The following TDP1 variants were observed in gnomAD, a reference collection of about 807,000 sequenced individuals.
TDP1 encodes the protein tyr-DNA phosphodiesterase 1.
In TDP1, 64 loss-of-function variants were observed where a neutral mutation model predicts 81.5. The observed-to-expected ratio is 0.79, with a 90% CI of 0.64 to 0.97. The LOEUF (loss-of-function observed/expected upper bound fraction) is 0.97. TDP1 is among the 50% of genes least tolerant of loss of function. The pLI, the probability that TDP1 is intolerant of heterozygous loss-of-function variation, is 0.00. For synonymous variants in TDP1, 256 were observed against 264.3 expected, an observed-to-expected ratio of 0.97 and a Z score of 0.30; for missense variants, 723 against 743.8, an observed-to-expected ratio of 0.97 and a Z score of 0.33.
chr14:90,032,955 T>C (rs1338256518), intron 15 of TDP1, 151 bp from the exon 16 acceptor site: 2 of 1,198,652 alleles, frequency 1.7e-6, no homozygotes, highest in Non-Finnish European at 2.3e-6. Flanking sequence ...GTTGTAAATA[T>C]ATTTGCCTAT....
intron 14 of TDP1, among the ~76,000 whole-genome samples, chr14:90,015,495 A>AT (rs1442112537): frequency 6.6e-6 from 1 of 152,242 alleles, no homozygotes; most frequent in African/African-American, 2.4e-5. Context: ...AATGAGCAAC[A>AT]TATCATTAGT....
intron 15 of TDP1, among the ~76,000 whole-genome samples, chr14:90,024,523 G>A (rs947065688): frequency 1.3e-4 from 20 of 152,266 alleles, no homozygotes; most frequent in African/African-American, 4.1e-4. Context: ...GATCCATACC[G>A]AACAATGTGA....
intron 11 of TDP1, 191 bp from the exon 12 acceptor site, chr14:89,989,526 C>G: frequency 1.3e-6 from 1 of 768,184 alleles, no homozygotes; most frequent in Non-Finnish European, 1.6e-6. Context: ...TATAATTTTA[C>G]ATCAAATATG....
chr14:90,028,304 G>A (rs1054675673), intron 15 of TDP1, among the ~76,000 whole-genome samples: 1 of 152,238 alleles, frequency 6.6e-6, no homozygotes, highest in African/African-American at 2.4e-5. Flanking sequence ...CTGATGCCTT[G>A]TGTAGGGTTT....
chr14:90,034,393 G>A (rs1005717614), intron 16 of TDP1, among the ~76,000 whole-genome samples: 6 of 152,218 alleles, frequency 3.9e-5, no homozygotes, highest in Non-Finnish European at 7.3e-5. Context: ...CATGCATTGA[G>A]TCTTAAGGGC....
intron 14 of TDP1, among the ~76,000 whole-genome samples, chr14:90,008,003 C>T (rs1167992710): frequency 1.3e-5 from 2 of 152,210 alleles, no homozygotes; most frequent in Non-Finnish European, 2.9e-5. Context: ...GCTGTCTCAT[C>T]TCTGGCTGTT....
chr14:90,031,051 G>T (rs373533324), intron 15 of TDP1, among the ~76,000 whole-genome samples: 1 of 152,008 alleles, frequency 6.6e-6, no homozygotes, highest in Non-Finnish European at 1.5e-5. Flanking sequence ...GGGATTACAG[G>T]TGTGAACCAC....
intron 15 of TDP1, among the ~76,000 whole-genome samples, chr14:90,023,670 A>T (rs893880221): frequency 6.6e-6 from 1 of 151,466 alleles, no homozygotes; most frequent in Non-Finnish European, 1.5e-5. Context: ...GTTACTATTC[A>T]CCTCACTCTC....
intron 15 of TDP1, among the ~76,000 whole-genome samples, chr14:90,021,375 G>T (rs758933545): frequency 6.6e-6 from 1 of 152,170 alleles, no homozygotes; most frequent in Non-Finnish European, 1.5e-5. Context: ...AATAACTGTG[G>T]CTGGAGTTCT....
At chr14:90,030,095 CA>C (rs1384517840) in intron 15 of TDP1, among the ~76,000 whole-genome samples, 4 of 152,194 alleles carry the variant, frequency 2.6e-5, no homozygotes, top group African/African-American at 9.7e-5. Context: ...AAGCAGTCTG[CA>C]AAAGCAAGAG....
At chr14:90,025,008 G>A (rs1886488253) in intron 15 of TDP1, among the ~76,000 whole-genome samples, 1 of 152,124 alleles carries the variant, frequency 6.6e-6, no homozygotes, top group African/African-American at 2.4e-5. Context: ...AGAACTCTGT[G>A]TCCGCACCAC....
chr14:89,989,855 G>T, intron 12 of TDP1, 90 bp downstream of exon 12: 2 of 1,020,664 alleles, frequency 2.0e-6, no homozygotes, highest in Admixed American at 3.6e-5. Context: ...TAGAAATTTG[G>T]AGATGGTTTT....
At chr14:89,990,058 T>C (rs1326314823) in intron 12 of TDP1, among the ~76,000 whole-genome samples, 2 of 152,206 alleles carry the variant, frequency 1.3e-5, no homozygotes, top group Non-Finnish European at 2.9e-5. Context: ...TTCCCCTTAC[T>C]CTTCAATGCG....
intron 2 of TDP1, chr14:89,958,170 C>T (rs1013063019): frequency 6.6e-6 from 1 of 152,232 alleles, no homozygotes; most frequent in Non-Finnish European, 1.5e-5. Flanking sequence ...CTTGGAGACA[C>T]CAGGCAAATA....
chr14:89,959,935 G>A (rs950890460), intron 2 of TDP1, among the ~76,000 whole-genome samples: 7 of 152,180 alleles, frequency 4.6e-5, no homozygotes. Context: ...TTCTGCAACT[G>A]CTTCTGAGAG....
At chr14:89,974,309 T>C (rs1224885016) in intron 6 of TDP1, among the ~76,000 whole-genome samples, 1 of 152,250 alleles carries the variant, frequency 6.6e-6, no homozygotes, top group Non-Finnish European at 1.5e-5. Context: ...ATGTAACTTT[T>C]AGCAAACGAA....
At chr14:90,019,123 T>C (rs1441309331) in intron 14 of TDP1, 193 bp from the exon 15 acceptor site, 3 of 975,840 alleles carry the variant, frequency 3.1e-6, no homozygotes, top group Non-Finnish European at 3.7e-6. Context: ...AATTAGCAAT[T>C]AGATAAATCT....
At chr14:89,984,407 T>C in intron 8 of TDP1, 109 bp from the exon 9 acceptor site, 2 of 1,600,126 alleles carry the variant, frequency 1.2e-6, no homozygotes, top group Non-Finnish European at 1.7e-6. Context: ...ACTTACCATG[T>C]GGAGATACCG....
At chr14:89,994,722 T>C (rs938329963) in intron 14 of TDP1, among the ~76,000 whole-genome samples, 1 of 152,226 alleles carries the variant, frequency 6.6e-6, no homozygotes, top group Non-Finnish European at 1.5e-5. Context: ...TAGAAATGTA[T>C]TGCCTTGCTG....
Sources: gnomAD v4.1 joint callset for allele counts (sites outside exome capture counted in the v4.1 genomes callset) on GRCh38, gnomAD v4.1.1 for gene constraint, MANE v1.5 for transcripts, NCBI Gene and HGNC (gene_info 2026-07-23, HGNC 2026-07-21) for gene names.